The following COMMD7 variants were observed in gnomAD, a reference collection of about 807,000 sequenced individuals.
COMMD7 encodes COMM domain-containing protein 7.
Under a neutral mutation model 34.8 loss-of-function variants are expected in COMMD7, and 28 were observed. That is an observed-to-expected ratio of 0.80 (90% CI 0.60 to 1.10). The LOEUF (loss-of-function observed/expected upper bound fraction) is 1.10, where lower values mean the gene tolerates loss of function less well. Ranked by LOEUF, COMMD7 falls within the 50% of genes least tolerant of loss-of-function variation. COMMD7 has a pLI of 0.00. For missense variants in COMMD7, 211 were observed against 241.6 expected (o/e 0.87, Z 0.84); for synonymous variants, 80 against 86.4 (o/e 0.93, Z 0.41).
intron 3 of COMMD7, among the ~76,000 whole-genome samples, chr20:32,710,721 C>G (rs1984382743): frequency 9.0e-6 from 1 of 111,110 alleles, no homozygotes; most frequent in South Asian, 3.3e-4. Context: ...AGGGTGAGAC[C>G]TCATCTCAAA....
At chr20:32,717,741 C>CA (rs1202590199) in intron 3 of COMMD7, among the ~76,000 whole-genome samples, 1 of 152,018 alleles carries the variant, frequency 6.6e-6, no homozygotes, top group Non-Finnish European at 1.5e-5. Flanking sequence ...AGATTACAGG[C>CA]ATGAGTCATT....
At chr20:32,726,571 C>T (rs923387460) in intron 3 of COMMD7, among the ~76,000 whole-genome samples, 4 of 151,834 alleles carry the variant, frequency 2.6e-5, no homozygotes, top group African/African-American at 7.3e-5. Context: ...GGTGTGGTGG[C>T]GGGCACTTGT....
At chr20:32,730,718 C>A (rs546228179) in intron 1 of COMMD7, among the ~76,000 whole-genome samples, 1 of 152,150 alleles carries the variant, frequency 6.6e-6, no homozygotes, top group African/African-American at 2.4e-5. Context: ...CCAGTCCCCA[C>A]GAGGAAAACA....
chr20:32,715,187 AAT>A (rs1984708032), intron 3 of COMMD7, among the ~76,000 whole-genome samples: 1 of 150,216 alleles, frequency 6.7e-6, no homozygotes. Flanking sequence ...TAATAATAAT[AAT>A]AAAAAAACAG....
At position 32,704,005 on chromosome 20, in the gene COMMD7, G is replaced by C; in HGVS notation, c.526+18C>G. On this transcript the variant is annotated intron_variant, in intron 8 of 8. Coordinates refer to ENST00000278980, the MANE Select transcript of COMMD7 (RefSeq NM_053041.3). The stretch of plus-strand genomic sequence containing the variant: ...ACACAAAAAAGGTGAAGAGGCTCAA[G>C]TGGGAATTCAGACTCACCTATATAC... The C allele has an allele frequency of 6.2e-7, 1 of 1,613,998 alleles. No individual in the cohort carries two copies. The highest frequency in any genetic ancestry group is 8.5e-7 in the Non-Finnish European group (1 of 1,179,966).
At chr20:32,733,772 C>T (rs1024594424) in intron 1 of COMMD7, among the ~76,000 whole-genome samples, 1 of 150,156 alleles carries the variant, frequency 6.7e-6, no homozygotes, top group African/African-American at 2.5e-5. Flanking sequence ...ATAATCCCAG[C>T]TACTCAGGAG....
intron 3 of COMMD7, among the ~76,000 whole-genome samples, chr20:32,708,567 C>G (rs1282667266): frequency 6.6e-6 from 1 of 152,154 alleles, no homozygotes; most frequent in Non-Finnish European, 1.5e-5. Flanking sequence ...TAACTCCTAA[C>G]TACCATGAAT....
intron 3 of COMMD7, among the ~76,000 whole-genome samples, chr20:32,712,330 A>T (rs1402072776): frequency 6.7e-6 from 1 of 150,222 alleles, no homozygotes; most frequent in Non-Finnish European, 1.5e-5. Flanking sequence ...AATGTAGTGA[A>T]ACTCCGTATC....
chr20:32,734,239 C>T lies in COMMD7; in HGVS notation c.85-6097G>A, dbSNP rs1046116356. Reference sequence around the variant, plus strand: ...CTTGTAATCCCAGCACTTTGGGAGGCCAAGGCGGGTGGATCACAAGGTCAG... The same window carrying T: ...CTTGTAATCCCAGCACTTTGGGAGGTCAAGGCGGGTGGATCACAAGGTCAG... On this transcript the variant is annotated intron_variant, in intron 1 of 8. Coordinates refer to ENST00000278980, the MANE Select transcript of COMMD7 (RefSeq NM_053041.3). 5.3e-4 allele frequency among the ~76,000 whole-genome samples: 79 copies of T among 150,098 alleles called. 1 individual carries two copies. The highest frequency in any genetic ancestry group is 1.9e-3 in the African/African-American group (77 of 40,696).
chr20:32,728,583 C>T (rs890152402), intron 1 of COMMD7, among the ~76,000 whole-genome samples: 3 of 151,018 alleles, frequency 2.0e-5, no homozygotes, highest in Admixed American at 6.6e-5. Context: ...TTTTTTCTTT[C>T]CCTGAGACAG....
intron 3 of COMMD7, among the ~76,000 whole-genome samples, chr20:32,725,205 T>G (rs1985433291): frequency 6.6e-6 from 1 of 151,870 alleles, no homozygotes; most frequent in South Asian, 2.1e-4. Context: ...TGGAAAGAGC[T>G]CCATGATATA....
chr20:32,726,969 A>T (rs1327039165), intron 3 of COMMD7, among the ~76,000 whole-genome samples: 3 of 152,042 alleles, frequency 2.0e-5, no homozygotes, highest in Admixed American at 6.6e-5. Context: ...GGTGGCTTAT[A>T]CCTGTAATCC....
chr20:32,722,649 G>A lies in COMMD7; in HGVS notation c.241+5244C>T, dbSNP rs188884708. On this transcript the variant is annotated intron_variant, in intron 3 of 8. Transcript: ENST00000278980. ...TGAGTCAGAAGAATCACTTGAACCC[G>A]GGAGGTGGAGGTTGCAGTGAGCCGA... Among the ~76,000 whole-genome samples, 175 of 150,924 alleles carry A rather than the reference G, an allele frequency of 1.2e-3. 2 individuals are homozygous for A. The East Asian group carries it at 0.031, about 26-fold the overall frequency.
intron 1 of COMMD7, among the ~76,000 whole-genome samples, chr20:32,739,406 G>A (rs1323803918): frequency 1.3e-5 from 2 of 152,128 alleles, no homozygotes; most frequent in East Asian, 3.8e-4. Context: ...AGCACTTTGG[G>A]AGGCTGAGGC....
chr20:32,704,836 T>C lies in COMMD7; in HGVS notation c.405A>G (p.Ile135Met), dbSNP rs754249428. Residue 135 changes from isoleucine to methionine, a missense_variant, in exon 6 of 9, where the codon ATA (isoleucine) becomes ATG (methionine). Transcript: ENST00000278980. ...IGQTLMINQL[I>M]DMEWKFGVTS... ...TACCTCCAAATTTCCACTCCATATC[T>C]ATGAGCTGGTTAATCATCAGAGTCT... 1 of 1,613,866 alleles carries C rather than the reference T, an allele frequency of 6.2e-7. No individual in the cohort carries two copies. Among genetic ancestry groups the C allele is most frequent in the East Asian group, 2.2e-5 (1 of 44,878 alleles).
intron 1 of COMMD7, among the ~76,000 whole-genome samples, chr20:32,735,989 G>T: frequency 6.6e-6 from 1 of 152,226 alleles, no homozygotes; most frequent in East Asian, 1.9e-4. Context: ...CACATTGCCT[G>T]GGACTGGCCA....
At chr20:32,716,362 TC>T (rs1476960096) in intron 3 of COMMD7, among the ~76,000 whole-genome samples, 1 of 152,122 alleles carries the variant, frequency 6.6e-6, no homozygotes, top group Non-Finnish European at 1.5e-5. Context: ...ACACCTGTAA[TC>T]CCAGCACTTT....
chr20:32,726,644 G>A (rs1045860424), intron 3 of COMMD7, among the ~76,000 whole-genome samples: 2 of 151,904 alleles, frequency 1.3e-5, no homozygotes, highest in Non-Finnish European at 2.9e-5. Context: ...TGGAGGTTGC[G>A]GTGAGCCAAG....
chr20:32,725,524 G>T (rs1985458198), intron 3 of COMMD7, among the ~76,000 whole-genome samples: 1 of 149,878 alleles, frequency 6.7e-6, no homozygotes, highest in Non-Finnish European at 1.5e-5. Context: ...CGCCTCCCGG[G>T]ATCACGCCAT....
Sources: allele counts gnomAD v4.1 joint callset (sites outside exome capture counted in the v4.1 genomes callset), GRCh38; gene constraint gnomAD v4.1.1; transcripts MANE v1.5; gene names NCBI Gene and HGNC (gene_info 2026-07-23, HGNC 2026-07-21).